The following MYO3B variants were observed in gnomAD, a reference collection of about 807,000 sequenced individuals.
The protein encoded by MYO3B is myosin IIIB.
A neutral mutation model predicts 174.6 loss-of-function variants in MYO3B; 156 were observed. The ratio of observed to expected loss-of-function variants is 0.89; its 90% CI spans 0.78 to 1.02. The LOEUF (loss-of-function observed/expected upper bound fraction) is 1.02. Ranked by LOEUF, MYO3B falls within the 50% of genes least tolerant of loss-of-function variation. The pLI is 0.00. For missense variants in MYO3B, 1,632 were observed against 1,639.4 expected (o/e 1.00, Z 0.08); for synonymous variants, 563 against 569.1 (o/e 0.99, Z 0.15).
chr2:170,640,368 ATC>A (rs1697870265), intron 32 of MYO3B: 1 of 152,154 alleles, frequency 6.6e-6, no homozygotes, highest in Admixed American at 6.5e-5. Flanking sequence ...TTCATATATT[ATC>A]TGTCATTCTC....
chr2:170,593,995 T>C (rs1474263911), intron 32 of MYO3B, among the ~76,000 whole-genome samples: 1 of 152,196 alleles, frequency 6.6e-6, no homozygotes, highest in East Asian at 1.9e-4. Flanking sequence ...TCATCCACTT[T>C]GATCATGTTA....
chr2:170,371,716 G>A (rs1465457429), intron 9 of MYO3B, among the ~76,000 whole-genome samples: 1 of 151,272 alleles, frequency 6.6e-6, no homozygotes, highest in Admixed American at 6.6e-5. Context: ...GAAAAATTGA[G>A]GTGAGTATAT....
chr2:170,388,833 T>C (rs910483771), intron 14 of MYO3B, among the ~76,000 whole-genome samples: 3 of 152,232 alleles, frequency 2.0e-5, no homozygotes, highest in East Asian at 1.9e-4. Flanking sequence ...TCCTCTATCA[T>C]GTACTTGCAG....
chr2:170,416,302 C>T (rs916333634), intron 22 of MYO3B, among the ~76,000 whole-genome samples: 1 of 152,096 alleles, frequency 6.6e-6, no homozygotes, highest in African/African-American at 2.4e-5. Flanking sequence ...GCAGGTGGAT[C>T]ACTTGAGGTC....
At chr2:170,470,217 C>T (rs1490324398) in intron 25 of MYO3B, among the ~76,000 whole-genome samples, 1 of 151,232 alleles carries the variant, frequency 6.6e-6, no homozygotes, top group Admixed American at 6.6e-5. Context: ...CATTTCATTA[C>T]CTAAAAGGAA....
intron 6 of MYO3B, among the ~76,000 whole-genome samples, chr2:170,223,561 C>T (rs1208969663): frequency 6.6e-6 from 1 of 152,146 alleles, no homozygotes; most frequent in African/African-American, 2.4e-5. Context: ...GTGACTTATT[C>T]AACTAAGGGA....
intron 22 of MYO3B, among the ~76,000 whole-genome samples, chr2:170,438,642 C>CTT (rs61033459): frequency 1.4e-4 from 21 of 149,276 alleles, no homozygotes; most frequent in African/African-American, 3.7e-4. Context: ...GGTAATATTT[C>CTT]TTTTTTTTTT....
chr2:170,237,259 T>C (rs1210595004), intron 7 of MYO3B, among the ~76,000 whole-genome samples: 1 of 152,122 alleles, frequency 6.6e-6, no homozygotes, highest in African/African-American at 2.4e-5. Context: ...TAGTAATAAG[T>C]CAGAAAATGG....
At chr2:170,212,815 C>A (rs990518348) in intron 3 of MYO3B, among the ~76,000 whole-genome samples, 1 of 152,176 alleles carries the variant, frequency 6.6e-6, no homozygotes, top group African/African-American at 2.4e-5. Flanking sequence ...CTCCAGTCTG[C>A]TGTGGGGATG....
intron 7 of MYO3B, among the ~76,000 whole-genome samples, chr2:170,261,216 G>T (rs1574672939): frequency 1.3e-5 from 2 of 152,024 alleles, no homozygotes; most frequent in South Asian, 4.2e-4. Flanking sequence ...TAGAGACGGG[G>T]TTTCTCCATG....
intron 32 of MYO3B, among the ~76,000 whole-genome samples, chr2:170,554,337 G>A (rs1255483167): frequency 6.6e-6 from 1 of 152,188 alleles, no homozygotes; most frequent in Non-Finnish European, 1.5e-5. Flanking sequence ...GAATCAGGAT[G>A]AAAAGGAAGA....
intron 32 of MYO3B, among the ~76,000 whole-genome samples, chr2:170,617,936 G>C (rs1695571287): frequency 6.6e-6 from 1 of 152,162 alleles, no homozygotes; most frequent in Non-Finnish European, 1.5e-5. Flanking sequence ...CAGGTCTAAA[G>C]GCTTATATTG....
chr2:170,460,165 C>T (rs1201419503), intron 23 of MYO3B, among the ~76,000 whole-genome samples: 4 of 152,162 alleles, frequency 2.6e-5, no homozygotes, highest in Non-Finnish European at 5.9e-5. Flanking sequence ...GCTGCTAGCA[C>T]GGGCTGCTAG....
At chr2:170,606,027 C>T (rs1181429115) in intron 32 of MYO3B, among the ~76,000 whole-genome samples, 1 of 152,144 alleles carries the variant, frequency 6.6e-6, no homozygotes, top group Non-Finnish European at 1.5e-5. Flanking sequence ...CTCTTCACTG[C>T]CACAACCCTG....
chr2:170,393,398 C>T (rs1558956050), intron 16 of MYO3B, among the ~76,000 whole-genome samples: 2 of 151,962 alleles, frequency 1.3e-5, no homozygotes, highest in Non-Finnish European at 2.9e-5. Flanking sequence ...CTGTACTACC[C>T]TTATCATCCT....
At position 170,431,963 on chromosome 2, in the gene MYO3B, C is replaced by A. The variant is rs376845840; in HGVS notation, c.2651-12004C>A. ...TAGTGATGTCCTAGCCTTTGCAATG[C>A]ATTACTCAGGTGTTTGTGGTGATGC... On this transcript the variant is annotated intron_variant, in intron 22 of 34. Coordinates refer to ENST00000408978, the MANE Select transcript of MYO3B (RefSeq NM_138995.5). Among the ~76,000 whole-genome samples, 149 of 152,218 alleles carry A rather than the reference C, an allele frequency of 9.8e-4. 2 individuals are homozygous for A. Among genetic ancestry groups the A allele is most frequent in the African/African-American group, 3.5e-3 (143 of 41,442 alleles).
At chr2:170,599,755 C>T (rs1356864282) in intron 32 of MYO3B, among the ~76,000 whole-genome samples, 1 of 152,026 alleles carries the variant, frequency 6.6e-6, no homozygotes, top group East Asian at 1.9e-4. Context: ...CTCAGAAAAA[C>T]AACAAAAAAA....
chr2:170,365,378 T>C (rs1209051940), intron 8 of MYO3B, among the ~76,000 whole-genome samples: 1 of 152,188 alleles, frequency 6.6e-6, no homozygotes, highest in Non-Finnish European at 1.5e-5. Flanking sequence ...TTCTTGTGCT[T>C]CTCTTGTCCT....
intron 32 of MYO3B, among the ~76,000 whole-genome samples, chr2:170,611,864 C>A (rs1695143389): frequency 6.6e-6 from 1 of 152,124 alleles, no homozygotes; most frequent in African/African-American, 2.4e-5. Context: ...AGGGTTTTTC[C>A]TCCTGTGTGG....
Sources: gnomAD v4.1 joint callset for allele counts (sites outside exome capture counted in the v4.1 genomes callset) on GRCh38, gnomAD v4.1.1 for gene constraint, MANE v1.5 for transcripts, NCBI Gene and HGNC (gene_info 2026-07-23, HGNC 2026-07-21) for gene names.